CYP19A1: variants seen among roughly 807,000 people sequenced by gnomAD.
CYP19A1 encodes aromatase.
CYP19A1 carries 32 observed loss-of-function variants against 44.4 expected under a neutral mutation model. The observed-to-expected ratio is 0.72, with a 90% CI of 0.54 to 0.97. The LOEUF (loss-of-function observed/expected upper bound fraction) is 0.97. Among genes scored for constraint, CYP19A1 ranks in the 50% least tolerant of loss-of-function variants. The probability of loss-of-function intolerance (pLI) is 0.00; values close to 1 mark genes in which losing one functional copy is unlikely to be tolerated. For missense variants in CYP19A1, 598 were observed against 637.8 expected, an observed-to-expected ratio of 0.94 and a Z score of 0.67; for synonymous variants, 212 against 215.6, an observed-to-expected ratio of 0.98 and a Z score of 0.14.
intron 1 of CYP19A1, among the ~76,000 whole-genome samples, chr15:51,306,215 C>T (rs1186372368): frequency 6.6e-6 from 1 of 152,140 alleles, no homozygotes; most frequent in South Asian, 2.1e-4. Context: ...GGACTCAAGA[C>T]AGAGGTGAGG....
At chr15:51,311,248 T>C (rs764592541) in intron 1 of CYP19A1, among the ~76,000 whole-genome samples, 2 of 150,724 alleles carry the variant, frequency 1.3e-5, no homozygotes, top group African/African-American at 2.4e-5. Context: ...AATGGAAAAA[T>C]AGAAATTCTC....
At chr15:51,334,703 T>C (rs1403617960) in intron 1 of CYP19A1, among the ~76,000 whole-genome samples, 1 of 152,238 alleles carries the variant, frequency 6.6e-6, no homozygotes. Flanking sequence ...ATTTAAAGCC[T>C]ACTAATGTTG....
Position 51,210,623 on chromosome 15 carries a change from C to G in CYP19A1, c.*185G>C, listed in dbSNP as rs1300887820. 1.4e-6 allele frequency: 1 copy of G among 727,884 alleles called. No individual in the cohort carries two copies. The highest frequency in any genetic ancestry group is 1.4e-5 in the South Asian group (1 of 70,810). 45.1% of individuals were successfully genotyped at this position (727,884 alleles called of 1,614,324 possible). On this transcript the variant is annotated 3_prime_UTR_variant, in exon 10 of 10. Coordinates refer to ENST00000396402, the MANE Select transcript of CYP19A1 (RefSeq NM_000103.4). ...GCTTTTTCTCTTGTAGCCTGGTTCT[C>G]TGGTGTGAACAGGAGCAGATGACAA...
chr15:51,307,226 G>A (rs2040982000), intron 1 of CYP19A1, among the ~76,000 whole-genome samples: 1 of 152,202 alleles, frequency 6.6e-6, no homozygotes, highest in South Asian at 2.1e-4. Context: ...TGATGGCACT[G>A]ATGAGGACCT....
intron 1 of CYP19A1, among the ~76,000 whole-genome samples, chr15:51,280,574 C>T (rs1202771823): frequency 6.6e-6 from 1 of 152,128 alleles, no homozygotes; most frequent in Non-Finnish European, 1.5e-5. Context: ...ACTTGGGCAC[C>T]ATTCTGGACA....
intron 1 of CYP19A1, among the ~76,000 whole-genome samples, chr15:51,302,445 A>T (rs148819985): frequency 7.2e-5 from 11 of 152,310 alleles, no homozygotes; most frequent in African/African-American, 2.6e-4. Flanking sequence ...GCCCTTGTCA[A>T]ATCCAAGTCT....
intron 2 of CYP19A1, among the ~76,000 whole-genome samples, chr15:51,242,552 G>T (rs1403140933): frequency 6.6e-6 from 1 of 151,966 alleles, no homozygotes; most frequent in African/African-American, 2.4e-5. Context: ...AGAGTGGAAG[G>T]GTTTATCTAA....
At chr15:51,222,208 A>G in intron 5 of CYP19A1, 141 bp downstream of exon 5, 5 of 1,473,598 alleles carry the variant, frequency 3.4e-6, no homozygotes, top group East Asian at 2.5e-5. Flanking sequence ...AACACTAGGG[A>G]AAAAAACGAG....
intron 3 of CYP19A1, among the ~76,000 whole-genome samples, chr15:51,232,766 C>T (rs1308375963): frequency 4.6e-5 from 7 of 152,204 alleles, no homozygotes; most frequent in Admixed American, 1.3e-4. Context: ...GCCACCATCA[C>T]CTCTTGCCTA....
Position 51,222,426 on chromosome 15 carries a change from T to G in CYP19A1, c.551A>C (p.Tyr184Ser), listed in dbSNP as rs756175478. 6.2e-7 allele frequency: 1 copy of G among 1,614,174 alleles called. No homozygotes were observed. Among genetic ancestry groups the G allele is most frequent in the East Asian group, 2.2e-5 (1 of 44,868 alleles). ...RLEEVTNESG[Y>S]VDVLTLLRRV... ...ACGCAGAAGGGTCAACACGTCCACA[T>G]AGCCCGATTCATTGGTCACCTCCTC... The change falls in exon 5 of 10, where the codon TAT becomes TCT. Residue 184 changes from tyrosine (Y) to serine (S), a missense_variant. Coordinates refer to ENST00000396402, the MANE Select transcript of CYP19A1 (RefSeq NM_000103.4).
chr15:51,271,565 C>T (rs2035128185), intron 1 of CYP19A1, among the ~76,000 whole-genome samples: 1 of 152,202 alleles, frequency 6.6e-6, no homozygotes, highest in South Asian at 2.1e-4. Context: ...CAAACTAGCT[C>T]CACCACAGTT....
At chr15:51,293,447 T>C (rs538036113) in intron 1 of CYP19A1, among the ~76,000 whole-genome samples, 3 of 152,326 alleles carry the variant, frequency 2.0e-5, no homozygotes, top group Non-Finnish European at 4.4e-5. Context: ...GAACCACTTG[T>C]GTAGGGTATG....
chr15:51,220,431 G>A (rs1010987314), intron 5 of CYP19A1, among the ~76,000 whole-genome samples: 5 of 152,164 alleles, frequency 3.3e-5, no homozygotes, highest in African/African-American at 1.2e-4. Context: ...TTACTGTTAT[G>A]TCCCCAGAAC....
intron 3 of CYP19A1, among the ~76,000 whole-genome samples, chr15:51,232,990 G>A (rs893222069): frequency 6.6e-6 from 1 of 152,208 alleles, no homozygotes; most frequent in African/African-American, 2.4e-5. Flanking sequence ...CTCATCTCCT[G>A]TATTCTTCCA....
At position 51,210,823 on chromosome 15, in the gene CYP19A1, C is replaced by G; in HGVS notation, c.1497G>C (p.Arg499Ser). The G allele has an allele frequency of 6.3e-7, 1 of 1,592,630 alleles. No individual in the cohort carries two copies. The highest frequency in any genetic ancestry group is 8.6e-7 in the Non-Finnish European group (1 of 1,160,284). ...CCAGCCTTCTCTAGTGTTCCAGACA[C>G]CTGTCTGAGTTTCTTGGGGTAAAGA... ...EMIFTPRNSD[R>S]CLEH Residue 499 changes from arginine to serine, a missense_variant, in exon 10 of 10, where the codon AGG becomes AGC. By Grantham distance (110) the Arg-to-Ser change is moderately radical (BLOSUM62 -1). Coordinates refer to ENST00000396402, the MANE Select transcript of CYP19A1 (RefSeq NM_000103.4).
rs558814185 is a variant in CYP19A1, at chr15:51,261,288, C to CACCATCTTGGGAGTGGCCCACG, written c.-38-18360_-38-18339dup. Among the ~76,000 whole-genome samples, 301 of 152,242 alleles carry CACCATCTTGGGAGTGGCCCACG rather than the reference C, an allele frequency of 2.0e-3. 7 individuals carry two copies. The East Asian group carries it at 0.043, about 22-fold the overall frequency. ...CCAGGTCAGACAACAAAAGGCTTGC[C>CACCATCTTGGGAGTGGCCCACG]ACCATCTTGGGAGTGGCCCACGACC... On this transcript the variant is annotated intron_variant, in intron 1 of 9. Coordinates refer to ENST00000396402, the MANE Select transcript of CYP19A1 (RefSeq NM_000103.4).
chr15:51,216,003 G>A lies in CYP19A1; in HGVS notation c.744-186C>T. The A allele has an allele frequency of 2.5e-6, 3 of 1,201,328 alleles. No homozygotes were observed. The South Asian group carries it at 4.9e-5, about 19-fold the overall frequency. The allele number at this position is 1,201,328 out of a possible 1,614,324, so 74.4% of individuals were successfully genotyped here. A position where few individuals can be genotyped will look rare whatever the true frequency, so the allele number is the denominator to read the frequency against. ...AAATTACATAGACCCTACACTTCAT[G>A]TTAAGGTGCCAGAGTTAGCTAAGAT... is the stretch of plus-strand genomic sequence containing the variant. On this transcript the variant is annotated intron_variant, in intron 6 of 9. Transcript: ENST00000396402.
At chr15:51,302,917 C>T (rs2141003363) in intron 1 of CYP19A1, among the ~76,000 whole-genome samples, 1 of 152,322 alleles carries the variant, frequency 6.6e-6, no homozygotes, top group Non-Finnish European at 1.5e-5. Context: ...TAGGGCTATG[C>T]CCCATAAACC....
intron 1 of CYP19A1, among the ~76,000 whole-genome samples, chr15:51,283,953 G>A (rs556417473): frequency 3.9e-5 from 6 of 152,302 alleles, no homozygotes; most frequent in South Asian, 2.1e-4. Flanking sequence ...AGGTCCCTAC[G>A]GGAGTTAGAG....
Sources: gnomAD v4.1 joint callset for allele counts (sites outside exome capture counted in the v4.1 genomes callset) on GRCh38, gnomAD v4.1.1 for gene constraint, MANE v1.5 for transcripts, NCBI Gene and HGNC (gene_info 2026-07-23, HGNC 2026-07-21) for gene names.